The following SLC24A3 variants were observed in gnomAD, a reference collection of about 807,000 sequenced individuals.
SLC24A3 encodes sodium/potassium/calcium exchanger 3.
A neutral mutation model predicts 75.8 loss-of-function variants in SLC24A3; 28 were observed. The ratio of observed to expected loss-of-function variants is 0.37; its 90% confidence interval spans 0.27 to 0.51. The LOEUF (loss-of-function observed/expected upper bound fraction) is 0.51, where lower values mean the gene tolerates loss of function less well. Ranked by LOEUF, SLC24A3 falls within the 20% of genes least tolerant of loss-of-function variation. The pLI is 0.94. For synonymous variants in SLC24A3, 372 were observed against 334.1 expected, an observed-to-expected ratio of 1.11 and a Z score of -1.24; for missense variants, 663 against 847.8, an observed-to-expected ratio of 0.78 and a Z score of 2.71.
At chr20:19,392,106 T>TA (rs1482675270) in intron 2 of SLC24A3, among the ~76,000 whole-genome samples, 6 of 152,214 alleles carry the variant, frequency 3.9e-5, no homozygotes, top group African/African-American at 1.4e-4. Flanking sequence ...TTTGTTGATT[T>TA]AAAAAAAGAA....
At chr20:19,673,156 T>TC (rs1326001056) in intron 8 of SLC24A3, among the ~76,000 whole-genome samples, 3 of 152,188 alleles carry the variant, frequency 2.0e-5, no homozygotes, top group African/African-American at 7.2e-5. Context: ...TGCCTGCCTC[T>TC]CTCCCCACTT....
intron 2 of SLC24A3, among the ~76,000 whole-genome samples, chr20:19,304,209 A>C (rs182871402): frequency 3.1e-4 from 47 of 152,334 alleles, no homozygotes; most frequent in Admixed American, 1.8e-3. Flanking sequence ...CAAATTTACC[A>C]AAAGATGTTC....
At chr20:19,279,995 C>T (rs1983611399) in intron 1 of SLC24A3, among the ~76,000 whole-genome samples, 1 of 152,178 alleles carries the variant, frequency 6.6e-6, no homozygotes, top group Non-Finnish European at 1.5e-5. Context: ...TTCTCTGGGT[C>T]AAGGAGAAAT....
At chr20:19,572,196 A>G (rs1231873975) in intron 3 of SLC24A3, among the ~76,000 whole-genome samples, 1 of 152,146 alleles carries the variant, frequency 6.6e-6, no homozygotes, top group East Asian at 1.9e-4. Context: ...TACGTAAAAA[A>G]ACTAGCAAGG....
At chr20:19,586,588 C>T (rs922375771) in intron 6 of SLC24A3, among the ~76,000 whole-genome samples, 1 of 152,184 alleles carries the variant, frequency 6.6e-6, no homozygotes, top group Non-Finnish European at 1.5e-5. Flanking sequence ...CCATGCTGCC[C>T]GTTCCACTGA....
chr20:19,465,149 A>G (rs552514862), intron 2 of SLC24A3, among the ~76,000 whole-genome samples: 1 of 152,354 alleles, frequency 6.6e-6, no homozygotes, highest in African/African-American at 2.4e-5. Flanking sequence ...AGAGAGCATG[A>G]GAAGGAAAAA....
intron 3 of SLC24A3, among the ~76,000 whole-genome samples, chr20:19,557,044 T>G (rs936652457): frequency 6.6e-6 from 1 of 152,204 alleles, no homozygotes; most frequent in Non-Finnish European, 1.5e-5. Context: ...CCTTTGGAGA[T>G]CCTTCCCAGT....
chr20:19,582,458 C>T (rs1261232569), intron 4 of SLC24A3, among the ~76,000 whole-genome samples: 1 of 152,148 alleles, frequency 6.6e-6, no homozygotes, highest in Non-Finnish European at 1.5e-5. Flanking sequence ...GTCTCAAATA[C>T]TTTAAAGTTA....
intron 6 of SLC24A3, among the ~76,000 whole-genome samples, chr20:19,614,733 A>C (rs2031714636): frequency 6.6e-6 from 1 of 152,238 alleles, no homozygotes; most frequent in Admixed American, 6.5e-5. Context: ...TCAAGTTAAA[A>C]TGCCACTGAC....
chr20:19,544,525 A>C (rs545003976), intron 3 of SLC24A3, among the ~76,000 whole-genome samples: 1 of 152,332 alleles, frequency 6.6e-6, no homozygotes, highest in East Asian at 1.9e-4. Flanking sequence ...ACTGAGTGGT[A>C]CCATTTTTGC....
intron 3 of SLC24A3, among the ~76,000 whole-genome samples, chr20:19,570,781 A>G (rs965956597): frequency 1.5e-4 from 23 of 152,154 alleles, no homozygotes; most frequent in African/African-American, 4.8e-4. Flanking sequence ...TTACTGTGGC[A>G]TATTGCCTGT....
chr20:19,214,625 G>T (rs1388401013), intron 1 of SLC24A3, among the ~76,000 whole-genome samples: 1 of 152,096 alleles, frequency 6.6e-6, no homozygotes, highest in African/African-American at 2.4e-5. Flanking sequence ...ATATAGTTAA[G>T]TCAATCAGTG....
intron 6 of SLC24A3, among the ~76,000 whole-genome samples, chr20:19,607,759 CT>C (rs1237390275): frequency 6.6e-6 from 1 of 152,258 alleles, no homozygotes; most frequent in Non-Finnish European, 1.5e-5. Flanking sequence ...CCCCTCACCC[CT>C]GTCTCTCTGT....
At chr20:19,315,173 CTA>C (rs1984556720) in intron 2 of SLC24A3, among the ~76,000 whole-genome samples, 1 of 152,198 alleles carries the variant, frequency 6.6e-6, no homozygotes, top group Admixed American at 6.5e-5. Context: ...ACACCTGTCT[CTA>C]TAGTTCACAC....
At chr20:19,701,162 C>T (rs1410096786) in intron 15 of SLC24A3, among the ~76,000 whole-genome samples, 2 of 152,052 alleles carry the variant, frequency 1.3e-5, no homozygotes, top group African/African-American at 4.8e-5. Context: ...CAGTATGGGG[C>T]AGGCACATAC....
intron 2 of SLC24A3, among the ~76,000 whole-genome samples, chr20:19,332,173 G>A (rs1456323932): frequency 6.6e-6 from 1 of 152,212 alleles, no homozygotes; most frequent in East Asian, 1.9e-4. Flanking sequence ...TCCATGGAAG[G>A]TTGGAAGAAT....
chr20:19,680,981 T>A (rs554019802), intron 9 of SLC24A3, among the ~76,000 whole-genome samples: 18 of 152,170 alleles, frequency 1.2e-4, no homozygotes, highest in Admixed American at 5.2e-4. Context: ...CCATGGCCAG[T>A]AAACGATGGA....
intron 2 of SLC24A3, among the ~76,000 whole-genome samples, chr20:19,501,864 C>T (rs1436726877): frequency 6.6e-6 from 1 of 152,132 alleles, no homozygotes. Context: ...CAGCCCATCC[C>T]AACAACCTTT....
intron 2 of SLC24A3, among the ~76,000 whole-genome samples, chr20:19,353,498 G>A (rs1985617523): frequency 6.6e-6 from 1 of 152,162 alleles, no homozygotes; most frequent in Non-Finnish European, 1.5e-5. Flanking sequence ...GAATCTGTTT[G>A]CTCATCTTTT....
Sources: allele counts gnomAD v4.1 joint callset (sites outside exome capture counted in the v4.1 genomes callset), GRCh38; gene constraint gnomAD v4.1.1; transcripts MANE v1.5; gene names NCBI Gene and HGNC (gene_info 2026-07-23, HGNC 2026-07-21).